FBXL7: variants seen among roughly 807,000 people sequenced by gnomAD.
The protein encoded by FBXL7 is F-box/LRR-repeat protein 7.
FBXL7 carries 12 observed loss-of-function variants against 38.3 expected under a neutral mutation model. The observed-to-expected ratio is 0.31, with a 90% CI of 0.20 to 0.51. The LOEUF is 0.51. Ranked by LOEUF, FBXL7 falls within the 20% of genes least tolerant of loss-of-function variation. The pLI, the probability that FBXL7 is intolerant of heterozygous loss-of-function variation, is 0.98. For synonymous variants in FBXL7, 297 were observed against 300.9 expected (o/e 0.99, Z 0.13); for missense variants, 567 against 676.4 (o/e 0.84, Z 1.79).
intron 1 of FBXL7, among the ~76,000 whole-genome samples, chr5:15,571,724 G>A (rs1738792826): frequency 6.6e-6 from 1 of 152,102 alleles, no homozygotes; most frequent in Non-Finnish European, 1.5e-5. Context: ...AAGAGTGCTT[G>A]GAGGCTTTTG....
intron 2 of FBXL7, among the ~76,000 whole-genome samples, chr5:15,704,013 C>G (rs1347633470): frequency 1.3e-5 from 2 of 152,182 alleles, no homozygotes; most frequent in East Asian, 3.9e-4. Flanking sequence ...GGTAATTGCA[C>G]AGAGACTGAC....
intron 2 of FBXL7, among the ~76,000 whole-genome samples, chr5:15,640,802 G>T (rs1362061071): frequency 6.6e-6 from 1 of 152,202 alleles, no homozygotes; most frequent in Non-Finnish European, 1.5e-5. Context: ...GGGATTACAG[G>T]TGATAGCCAC....
chr5:15,749,182 T>C (rs1435750009), intron 2 of FBXL7, among the ~76,000 whole-genome samples: 1 of 142,914 alleles, frequency 7.0e-6, no homozygotes, highest in African/African-American at 2.7e-5. Context: ...GAGACAGAGG[T>C]TGCAGTGAGC....
At chr5:15,734,157 G>T (rs1031661621) in intron 2 of FBXL7, among the ~76,000 whole-genome samples, 2 of 148,070 alleles carry the variant, frequency 1.4e-5, no homozygotes, top group Non-Finnish European at 3.0e-5. Flanking sequence ...CTTTGCTGCC[G>T]CCCAGTCCCT....
Position 15,500,278 on chromosome 5 carries a change from G to GCCT in FBXL7, c.-398_-397insCTC, listed in dbSNP as rs2126336656. 6.6e-6 allele frequency: 1 copy of GCCT among 151,844 alleles called. No homozygotes were observed. Among genetic ancestry groups the GCCT allele is most frequent in the South Asian group, 2.1e-4 (1 of 4,836 alleles). 9.4% of individuals were successfully genotyped at this position (151,844 alleles called of 1,614,324 possible). ...GGGCGCGCAGGGGCAGCCGAAGGAG[G>GCCT]CGGTCGAGCCGCGGAGCCCAGGGGC... On this transcript the variant is annotated 5_prime_UTR_variant, in exon 1 of 4. Coordinates refer to ENST00000504595, the MANE Select transcript of FBXL7 (RefSeq NM_012304.5).
chr5:15,819,745 C>T (rs948520986), intron 2 of FBXL7, among the ~76,000 whole-genome samples: 1 of 152,130 alleles, frequency 6.6e-6, no homozygotes, highest in Non-Finnish European at 1.5e-5. Context: ...CTAAGCAGCC[C>T]CAAGAGGACA....
intron 1 of FBXL7, among the ~76,000 whole-genome samples, chr5:15,516,628 T>C (rs1312372402): frequency 6.6e-6 from 1 of 151,962 alleles, no homozygotes; most frequent in Non-Finnish European, 1.5e-5. Flanking sequence ...CTCCCACATG[T>C]CGTGGGAGGG....
intron 2 of FBXL7, among the ~76,000 whole-genome samples, chr5:15,685,519 G>A (rs1222057765): frequency 6.6e-6 from 1 of 152,142 alleles, no homozygotes; most frequent in African/African-American, 2.4e-5. Context: ...GTTCAGATGT[G>A]AAAAAGAAAT....
At chr5:15,728,832 G>A (rs1352579616) in intron 2 of FBXL7, among the ~76,000 whole-genome samples, 4 of 152,112 alleles carry the variant, frequency 2.6e-5, no homozygotes, top group African/African-American at 9.7e-5. Flanking sequence ...GAAATGGTTT[G>A]TGAAACGTGG....
At chr5:15,893,587 T>A (rs1174391067) in intron 2 of FBXL7, among the ~76,000 whole-genome samples, 1 of 149,326 alleles carries the variant, frequency 6.7e-6, no homozygotes, top group Non-Finnish European at 1.5e-5. Flanking sequence ...CTGAATGTAC[T>A]TTTTTTTTTA....
At chr5:15,610,260 G>A (rs1218377855) in intron 1 of FBXL7, among the ~76,000 whole-genome samples, 2 of 152,090 alleles carry the variant, frequency 1.3e-5, no homozygotes, top group Non-Finnish European at 2.9e-5. Flanking sequence ...TTTCTCAGAA[G>A]AATCCCAGAG....
chr5:15,523,187 T>G (rs950964869), intron 1 of FBXL7, among the ~76,000 whole-genome samples: 3 of 152,160 alleles, frequency 2.0e-5, no homozygotes, highest in African/African-American at 7.2e-5. Flanking sequence ...AATGCCAGAT[T>G]TCACCGAGTT....
At chr5:15,585,505 A>G (rs1739273639) in intron 1 of FBXL7, among the ~76,000 whole-genome samples, 1 of 152,246 alleles carries the variant, frequency 6.6e-6, no homozygotes, top group Non-Finnish European at 1.5e-5. Context: ...AAAAGTGCCA[A>G]CAGTCATCGT....
intron 1 of FBXL7, among the ~76,000 whole-genome samples, chr5:15,584,514 C>T (rs558224994): frequency 3.3e-5 from 5 of 152,160 alleles, no homozygotes; most frequent in Non-Finnish European, 7.3e-5. Flanking sequence ...TTCCAGTAAA[C>T]TCTCATCTTC....
intron 1 of FBXL7, among the ~76,000 whole-genome samples, chr5:15,578,232 CAA>C (rs1358738125): frequency 2.0e-5 from 3 of 152,058 alleles, no homozygotes; most frequent in African/African-American, 7.2e-5. Flanking sequence ...CAATCTTATA[CAA>C]AAGAGATGAG....
intron 1 of FBXL7, among the ~76,000 whole-genome samples, chr5:15,569,844 T>G (rs917230870): frequency 6.6e-6 from 1 of 152,256 alleles, no homozygotes; most frequent in South Asian, 2.1e-4. Flanking sequence ...TCTATTGAGA[T>G]AATCGTATGG....
intron 2 of FBXL7, among the ~76,000 whole-genome samples, chr5:15,733,830 C>T (rs140201740): frequency 4.6e-5 from 7 of 152,102 alleles, no homozygotes; most frequent in East Asian, 1.9e-4. Context: ...TGTTAATGGC[C>T]GGGTGCAGTG....
intron 2 of FBXL7, among the ~76,000 whole-genome samples, chr5:15,844,541 G>A (rs1738840226): frequency 6.6e-6 from 1 of 152,208 alleles, no homozygotes; most frequent in African/African-American, 2.4e-5. Flanking sequence ...CTCATGATCG[G>A]TAGAGCATAG....
At chr5:15,596,897 A>T (rs1269871786) in intron 1 of FBXL7, among the ~76,000 whole-genome samples, 3 of 152,182 alleles carry the variant, frequency 2.0e-5, no homozygotes, top group Non-Finnish European at 4.4e-5. Context: ...GCATCTCTTC[A>T]TCTCTATCCT....
Sources: allele counts gnomAD v4.1 joint callset (sites outside exome capture counted in the v4.1 genomes callset), GRCh38; gene constraint gnomAD v4.1.1; transcripts MANE v1.5; gene names NCBI Gene and HGNC (gene_info 2026-07-23, HGNC 2026-07-21).